The following COL5A1 variants were observed in gnomAD, a reference collection of about 807,000 sequenced individuals.
COL5A1 encodes the protein collagen type V alpha 1 chain.
Under a neutral mutation model 263.7 loss-of-function variants are expected in COL5A1, and 16 were observed. The ratio of observed to expected loss-of-function variants is 0.06; its 90% CI spans 0.04 to 0.09. The LOEUF (loss-of-function observed/expected upper bound fraction) is 0.09. Ranked by LOEUF, COL5A1 falls within the 10% of genes least tolerant of loss-of-function variation. The pLI is 1.00. For synonymous variants in COL5A1, 1,012 were observed against 1,004.5 expected (o/e 1.01, Z -0.14); for missense variants, 2,036 against 2,540.5 (o/e 0.80, Z 4.27).
At chr9:134,831,579 C>T (rs377263219) in intron 64 of COL5A1, among the ~76,000 whole-genome samples, 6 of 152,132 alleles carry the variant, frequency 3.9e-5, no homozygotes, top group South Asian at 4.1e-4. Flanking sequence ...AAGGAAGGGG[C>T]CCTGGGGGTG....
At chr9:134,785,936 C>T (rs1837442094) in intron 30 of COL5A1, 59 bp from the exon 31 acceptor site, 17 of 1,508,598 alleles carry the variant, frequency 1.1e-5, no homozygotes, top group South Asian at 3.4e-5. Flanking sequence ...CTCTCTGCTC[C>T]GGGGAAACGG....
In COL5A1 at chr9:134,814,003, T is replaced by A. The variant is rs1005323480; in HGVS notation, c.3873T>A (p.Gly1291=). The A allele has an allele frequency of 7.7e-6, 12 of 1,550,956 alleles. No individual in the cohort carries two copies. Among genetic ancestry groups the A allele is most frequent in the African/African-American group, 1.4e-5 (1 of 73,192 alleles). The change falls in exon 49 of 66, where the codon GGT becomes GGA. Residue 1291 remains glycine, a synonymous_variant. Coordinates refer to ENST00000371817, the MANE Select transcript of COL5A1 (RefSeq NM_000093.5). ...VGEKGEPGEA[G]EPGLPGEGGP... is the part of the protein sequence containing the mutation. ...CCTAGGGCGAGCCTGGCGAAGCAGG[T>A]GAGCCTGGCCTTCCGGGAGAAGGCG...
At chr9:134,814,544 C>G (rs532655651) in intron 49 of COL5A1, among the ~76,000 whole-genome samples, 1 of 152,324 alleles carries the variant, frequency 6.6e-6, no homozygotes, top group South Asian at 2.1e-4. Flanking sequence ...GAGTCAGTCC[C>G]TCCCACCCAG....
In COL5A1 at chr9:134,796,744, G is replaced by GA. The variant is rs1278002538; in HGVS notation, c.2845-101dup. 2.8e-6 allele frequency: 3 copies of GA among 1,086,366 alleles called. No individual in the cohort carries two copies. In the Admixed American group the frequency reaches 5.1e-5, roughly 19 times the overall value. 67.3% of individuals were successfully genotyped at this position (1,086,366 alleles called of 1,614,324 possible). A position where few individuals can be genotyped will look rare whatever the true frequency, so the allele number is the denominator to read the frequency against. ...GGAGGAAAGGCCATGGGGGTGGGAA[G>GA]AAATGACACCTGCGTTCAGAGAGCC... On this transcript the variant is annotated intron_variant, in intron 35 of 65. Transcript: ENST00000371817.
intron 19 of COL5A1, among the ~76,000 whole-genome samples, chr9:134,763,480 T>C (rs1469437553): frequency 1.3e-5 from 2 of 152,224 alleles, no homozygotes; most frequent in African/African-American, 4.8e-5. Context: ...AGCCGGCATC[T>C]CAGAGCCTGC....
In COL5A1 at chr9:134,654,505, G is replaced by T. The variant is rs371722221; in HGVS notation, c.109+12209G>T. Among the ~76,000 whole-genome samples the T allele has an allele frequency of 1.9e-3, 222 of 118,914 alleles. 1 individual carries two copies. The highest frequency in any genetic ancestry group is 6.8e-3 in the African/African-American group (206 of 30,372). 78.0% of individuals were successfully genotyped at this position (118,914 alleles called of 152,430 possible). A position where few individuals can be genotyped will look rare whatever the true frequency, so the allele number is the denominator to read the frequency against. On this transcript the variant is annotated intron_variant, in intron 1 of 65. Transcript: ENST00000371817. ...CTGGAGTTGTGTAGAGCTGGTGTGTGTAGGGCTGGAGGTGTGCAGGGCTGG... is the reference window on the plus strand; with the variant it reads ...CTGGAGTTGTGTAGAGCTGGTGTGTTTAGGGCTGGAGGTGTGCAGGGCTGG...
chr9:134,780,916 G>A (rs567662621), intron 28 of COL5A1, among the ~76,000 whole-genome samples: 24 of 152,342 alleles, frequency 1.6e-4, no homozygotes, highest in Admixed American at 4.6e-4. Flanking sequence ...TTGTGGGTTC[G>A]CCCTGCCATG....
Position 134,841,553 on chromosome 9 carries a change from TC to T in COL5A1, c.5371-602del, listed in dbSNP as rs539207394. ...CTCTGTGCCTCAGTTTACCTAAGAC[TC>T]CTCTAGACCAGATGGTGTGGAAGGT... is the stretch of plus-strand genomic sequence containing the variant. On this transcript the variant is annotated intron_variant, in intron 65 of 65. Transcript: ENST00000371817. The surrounding 1 kb of genome is among the most constrained non-coding windows in gnomAD (Gnocchi z 4.8). Among the ~76,000 whole-genome samples, 39 of 152,198 alleles carry T rather than the reference TC, an allele frequency of 2.6e-4. No homozygotes were observed. Among genetic ancestry groups the T allele is most frequent in the African/African-American group, 8.7e-4 (36 of 41,526 alleles).
chr9:134,716,507 T>C lies in COL5A1; in HGVS notation c.655-10759T>C, dbSNP rs929683067. On this transcript the variant is annotated intron_variant, in intron 4 of 65. Coordinates refer to ENST00000371817, the MANE Select transcript of COL5A1 (RefSeq NM_000093.5). This position sits in a 1 kb window ranked among gnomAD's most constrained non-coding sequence, Gnocchi z 4.5. The stretch of plus-strand genomic sequence containing the variant: ...AAGCGTGCACTGCCCAAGCCACAAG[T>C]GCAGGCCTTTGTGAGGTCACCACCC... Among the ~76,000 whole-genome samples, 1 of 152,170 alleles carries C rather than the reference T, an allele frequency of 6.6e-6. No individual in the cohort carries two copies. The highest frequency in any genetic ancestry group is 2.4e-5 in the African/African-American group (1 of 41,438).
rs1160738370 is a variant in COL5A1 at position 134,642,182 on chromosome 9, G to A, written c.-6G>A. The A allele has an allele frequency of 2.4e-6, 3 of 1,262,004 alleles. No homozygotes were observed. Among genetic ancestry groups the A allele is most frequent in the African/African-American group, 1.6e-5 (1 of 64,270 alleles). The allele number at this position is 1,262,004 out of a possible 1,614,324, so 78.2% of individuals were successfully genotyped here. A position where few individuals can be genotyped will look rare whatever the true frequency, so the allele number is the denominator to read the frequency against. On this transcript the variant is annotated 5_prime_UTR_variant, in exon 1 of 66. Coordinates refer to ENST00000371817, the MANE Select transcript of COL5A1 (RefSeq NM_000093.5). This position sits in a 1 kb window ranked among gnomAD's most constrained non-coding sequence, Gnocchi z 4.5. The stretch of plus-strand genomic sequence containing the variant: ...CCCTGTGCGCCCCGGCCCGCGCCCC[G>A]CCGGCATGGACGTCCATACCCGCTG...
At chr9:134,728,407 C>G (rs1001319460) in intron 5 of COL5A1, among the ~76,000 whole-genome samples, 1 of 152,246 alleles carries the variant, frequency 6.6e-6, no homozygotes, top group African/African-American at 2.4e-5. Flanking sequence ...AAGCCTTCAC[C>G]TTTGAGGGCT....
At chr9:134,744,949 G>A (rs368088680) in intron 11 of COL5A1, among the ~76,000 whole-genome samples, 3 of 152,348 alleles carry the variant, frequency 2.0e-5, no homozygotes, top group South Asian at 2.1e-4. Flanking sequence ...CTACATGCAC[G>A]CGTGCGCTGT....
chr9:134,729,480 A>G (rs13287266), intron 6 of COL5A1, among the ~76,000 whole-genome samples: 2,985 of 137,108 alleles, frequency 0.022, 119 homozygotes, highest in African/African-American at 0.075. Flanking sequence ...TGTGGCATGC[A>G]GGCACGGGTG....
intron 9 of COL5A1, 100 bp downstream of exon 9, chr9:134,732,227 C>G: frequency 8.1e-7 from 1 of 1,240,284 alleles, no homozygotes; most frequent in South Asian, 1.2e-5. Context: ...GCCCCTGCAC[C>G]TGCGCGCACT....
chr9:134,741,955 T>C lies in COL5A1; in HGVS notation c.1494+3147T>C, dbSNP rs779860206. ...AGTTCCTCAAGACAGGCCTCACTTC[T>C]GTGCCCTTCCTCACACCCTGCTCCC... On this transcript the variant is annotated intron_variant, in intron 11 of 65. Transcript: ENST00000371817. The surrounding 1 kb of genome is among the most constrained non-coding windows in gnomAD (Gnocchi z 4.5). 2.6e-5 allele frequency among the ~76,000 whole-genome samples: 4 copies of C among 152,102 alleles called. No individual in the cohort carries two copies. Among genetic ancestry groups the C allele is most frequent in the Non-Finnish European group, 4.4e-5 (3 of 68,032 alleles).
In COL5A1 at chr9:134,821,027, G is replaced by A. The variant is rs1838973930; in HGVS notation, c.4554+804G>A. On this transcript the variant is annotated intron_variant, in intron 58 of 65. Transcript: ENST00000371817. This position sits in a 1 kb window ranked among gnomAD's most constrained non-coding sequence, Gnocchi z 4.2. Reference sequence around the variant, plus strand: ...CACCCTCACTATGGGCCCGGGGAAGGTTGCAGGACATGGCTGAAGGGTGGA... The same window carrying A: ...CACCCTCACTATGGGCCCGGGGAAGATTGCAGGACATGGCTGAAGGGTGGA... 1.3e-5 allele frequency among the ~76,000 whole-genome samples: 2 copies of A among 152,174 alleles called. No homozygotes were observed. Among genetic ancestry groups the A allele is most frequent in the Non-Finnish European group, 2.9e-5 (2 of 68,026 alleles).
rs4842165 is a variant in COL5A1 at position 134,774,568 on chromosome 9, G to A, written c.2332-291G>A. On this transcript the variant is annotated intron_variant, in intron 26 of 65. Coordinates refer to ENST00000371817, the MANE Select transcript of COL5A1 (RefSeq NM_000093.5). ...AGAGCTCCAACGCTGACCTTTCACC[G>A]TCTCACTGTTCCCCCAGCCTATCCC... is the stretch of plus-strand genomic sequence containing the variant. Among the ~76,000 whole-genome samples, 31,445 of 152,124 alleles carry A rather than the reference G, an allele frequency of 0.21. 3,440 individuals are homozygous for A. Among genetic ancestry groups the A allele is most frequent in the East Asian group, 0.34 (1,740 of 5,152 alleles).
chr9:134,723,717 G>C (rs865817065), intron 4 of COL5A1, among the ~76,000 whole-genome samples: 1 of 152,240 alleles, frequency 6.6e-6, no homozygotes, highest in Non-Finnish European at 1.5e-5. Context: ...AGGGGCAGGT[G>C]GGCAGAAGGG....
chr9:134,824,097 G>A (rs1026189721), intron 61 of COL5A1, among the ~76,000 whole-genome samples: 1 of 152,176 alleles, frequency 6.6e-6, no homozygotes, highest in South Asian at 2.1e-4. Flanking sequence ...ACCAGGGCAT[G>A]GCGAGTGCAC....
Sources: allele counts gnomAD v4.1 joint callset (sites outside exome capture counted in the v4.1 genomes callset), GRCh38; gene constraint gnomAD v4.1.1; non-coding constraint Gnocchi (gnomAD v3.1); transcripts MANE v1.5; gene names NCBI Gene and HGNC (gene_info 2026-07-23, HGNC 2026-07-21).